BRAF: variants seen among roughly 807,000 people sequenced by gnomAD.
BRAF encodes serine/threonine-protein kinase B-raf.
In BRAF, 16 loss-of-function variants were observed where a neutral mutation model predicts 104.6. That is an observed-to-expected ratio of 0.15 (90% CI 0.10 to 0.23). The LOEUF (loss-of-function observed/expected upper bound fraction) is 0.23, where lower values mean the gene tolerates loss of function less well. Among genes scored for constraint, BRAF ranks in the 10% least tolerant of loss-of-function variants. BRAF has a pLI of 1.00. For missense variants in BRAF, 541 were observed against 937.3 expected (o/e 0.58, Z 5.52); for synonymous variants, 310 against 341.6 (o/e 0.91, Z 1.02).
intron 17 of BRAF, among the ~76,000 whole-genome samples, chr7:140,744,809 C>T (rs1365293832): frequency 6.6e-6 from 1 of 152,042 alleles, no homozygotes; most frequent in Non-Finnish European, 1.5e-5. Flanking sequence ...TTCTATGTTT[C>T]CATATATCAA....
intron 1 of BRAF, among the ~76,000 whole-genome samples, chr7:140,880,220 A>G (rs530421252): frequency 6.6e-6 from 1 of 152,302 alleles, no homozygotes; most frequent in East Asian, 1.9e-4. Flanking sequence ...AAAATTCTAA[A>G]TCTTTTGCTG....
chr7:140,868,574 A>G (rs1176371262), intron 1 of BRAF, among the ~76,000 whole-genome samples: 1 of 152,072 alleles, frequency 6.6e-6, no homozygotes, highest in African/African-American at 2.4e-5. Flanking sequence ...TGGGGGGAAT[A>G]TAAGGATTGG....
Position 140,787,451 on chromosome 7 carries a change from G to A in BRAF, c.1177+97C>T, listed in dbSNP as rs1801504830. The A allele has an allele frequency of 1.2e-5, 16 of 1,319,546 alleles. No individual in the cohort carries two copies. The South Asian group carries it at 1.9e-4, about 16-fold the overall frequency. The allele number at this position is 1,319,546 out of a possible 1,614,324, so 81.7% of individuals were successfully genotyped here. A position where few individuals can be genotyped will look rare whatever the true frequency, so the allele number is the denominator to read the frequency against. On this transcript the variant is annotated intron_variant, in intron 9 of 19. Transcript: ENST00000644969. Reference sequence around the variant, plus strand: ...TGGGTTTCTCTACACATTTTTCTCTGTGTCTGTTACTTGAAAGAGGCAAGT... The same window carrying A: ...TGGGTTTCTCTACACATTTTTCTCTATGTCTGTTACTTGAAAGAGGCAAGT...
intron 17 of BRAF, among the ~76,000 whole-genome samples, chr7:140,744,727 A>G (rs1797211959): frequency 6.6e-6 from 1 of 152,238 alleles, no homozygotes; most frequent in Admixed American, 6.5e-5. Context: ...CCACAGATAC[A>G]TACATTAATT....
chr7:140,727,574 G>A (rs1795676838), intron 19 of BRAF, among the ~76,000 whole-genome samples: 2 of 151,990 alleles, frequency 1.3e-5, no homozygotes, highest in African/African-American at 2.4e-5. Context: ...AATTTCTGGG[G>A]ATTAGTTAAT....
chr7:140,891,095 A>G (rs1463606572), intron 1 of BRAF, among the ~76,000 whole-genome samples: 1 of 152,352 alleles, frequency 6.6e-6, no homozygotes, highest in East Asian at 1.9e-4. Flanking sequence ...CCTATACTAC[A>G]AAGTGGTTAC....
chr7:140,923,827 G>A (rs1345304904), intron 1 of BRAF, among the ~76,000 whole-genome samples: 1 of 152,158 alleles, frequency 6.6e-6, no homozygotes, highest in Non-Finnish European at 1.5e-5. Flanking sequence ...GGGAGCTGGG[G>A]TTAGAAGGCA....
intron 8 of BRAF, among the ~76,000 whole-genome samples, chr7:140,789,678 A>G (rs1047542662): frequency 6.6e-6 from 1 of 152,222 alleles, no homozygotes; most frequent in Non-Finnish European, 1.5e-5. Flanking sequence ...GCATAAGAAT[A>G]TAATAAAAGA....
Position 140,781,692 on chromosome 7 carries a change from T to G in BRAF, c.1436A>C (p.Lys479Thr). 6.2e-7 allele frequency: 1 copy of G among 1,613,442 alleles called. No homozygotes were observed. The highest frequency in any genetic ancestry group is 8.5e-7 in the Non-Finnish European group (1 of 1,179,484). Residue 479 changes from lysine to threonine, a missense_variant and splice_region_variant, in exon 12 of 20, where the codon AAA (lysine) becomes ACA (threonine). By Grantham distance (78) the Lys-to-Thr change is moderately conservative. Coordinates refer to ENST00000644969, the MANE Select transcript of BRAF (RefSeq NM_001374258.1). ...ACTCGAGTCCCGTCTACCAAGTGTT[T>G]TCTTGATAAAAACAGTAAAAAAGTC... ...SSSSEDRNRMKTLGRRDSSDD... is the reference protein window; with the variant it reads ...SSSSEDRNRMTTLGRRDSSDD...
At chr7:140,848,411 G>C (rs1191226638) in intron 2 of BRAF, among the ~76,000 whole-genome samples, 3 of 152,156 alleles carry the variant, frequency 2.0e-5, no homozygotes, top group African/African-American at 7.2e-5. Context: ...TAAGAAATGA[G>C]TTAAGCAATA....
chr7:140,873,282 TGTCCTAGCCTTCCAG>T (rs750693562), intron 1 of BRAF, among the ~76,000 whole-genome samples: 1 of 151,180 alleles, frequency 6.6e-6, no homozygotes. Flanking sequence ...GCGATTCTCC[TGTCCTAGCCTTCCAG>T]GTAGCTGGAA....
intron 19 of BRAF, chr7:140,734,356 G>C: frequency 7.4e-7 from 1 of 1,354,366 alleles, no homozygotes; most frequent in Non-Finnish European, 9.5e-7. Context: ...AAAGCCTCTA[G>C]AAGAGGCTCT....
chr7:140,805,446 C>A (rs1396238560), intron 5 of BRAF, among the ~76,000 whole-genome samples: 1 of 152,034 alleles, frequency 6.6e-6, no homozygotes, highest in African/African-American at 2.4e-5. Context: ...TGTGGATATG[C>A]ATTTGATCAT....
At chr7:140,733,482 A>C (rs1796141664) in intron 19 of BRAF, 1 of 152,250 alleles carries the variant, frequency 6.6e-6, no homozygotes, top group Non-Finnish European at 1.5e-5. Flanking sequence ...CAGTAAGAAT[A>C]CACTGACCAC....
At chr7:140,803,792 TATA>T (rs2129045739) in intron 5 of BRAF, among the ~76,000 whole-genome samples, 1 of 152,290 alleles carries the variant, frequency 6.6e-6, no homozygotes, top group African/African-American at 2.4e-5. Flanking sequence ...ATTTAGTGTA[TATA>T]ATAATAAGAA....
intron 3 of BRAF, chr7:140,824,078 T>C (rs1216726191): frequency 1.3e-5 from 2 of 152,210 alleles, no homozygotes; most frequent in Non-Finnish European, 2.9e-5. Context: ...TGCAAATATT[T>C]TTCCCATTCC....
intron 7 of BRAF, 86 bp downstream of exon 7, chr7:140,800,276 C>T: frequency 6.3e-7 from 1 of 1,593,454 alleles, no homozygotes. Context: ...ACAATTTAAA[C>T]ATTGGAAAGG....
intron 1 of BRAF, among the ~76,000 whole-genome samples, chr7:140,904,197 C>T (rs576750120): frequency 2.0e-5 from 3 of 152,162 alleles, no homozygotes; most frequent in African/African-American, 4.8e-5. Flanking sequence ...CAACTGATGT[C>T]GCAAACCTCA....
chr7:140,832,641 G>C (rs184430206), intron 3 of BRAF, among the ~76,000 whole-genome samples: 1 of 152,236 alleles, frequency 6.6e-6, no homozygotes, highest in Admixed American at 6.5e-5. Context: ...TATTGAATAC[G>C]AATTGTTAAA....
Sources: gnomAD v4.1 joint callset for allele counts (sites outside exome capture counted in the v4.1 genomes callset) on GRCh38, gnomAD v4.1.1 for gene constraint, MANE v1.5 for transcripts, NCBI Gene and HGNC (gene_info 2026-07-23, HGNC 2026-07-21) for gene names.